UGT1A8: variants seen among roughly 807,000 people sequenced by gnomAD.
UGT1A8 encodes UDP-glucuronosyltransferase 1A8.
Under a neutral mutation model 45.3 loss-of-function variants are expected in UGT1A8, and 39 were observed. The observed-to-expected ratio is 0.86, with a 90% CI of 0.67 to 1.12. The LOEUF (loss-of-function observed/expected upper bound fraction) is 1.12. Among genes scored for constraint, UGT1A8 ranks in the 50% most tolerant of loss-of-function variants. UGT1A8 has a pLI of 0.00. For synonymous variants in UGT1A8, 275 were observed against 249.2 expected, an observed-to-expected ratio of 1.10 and a Z score of -0.97; for missense variants, 719 against 664.9, an observed-to-expected ratio of 1.08 and a Z score of -0.90.
rs559752141 is a variant in UGT1A8 at position 233,711,434 on chromosome 2, T to C, written c.856-55600T>C. Among the ~76,000 whole-genome samples, 238 of 152,294 alleles carry C rather than the reference T, an allele frequency of 1.6e-3. 2 individuals are homozygous for C. The highest frequency in any genetic ancestry group is 5.3e-3 in the African/African-American group (222 of 41,578). ...TCATCAGGAGGGTGCTTAGGATGCA[T>C]ACAGTTTTAAGGGGGTTGGAGGAAT... On this transcript the variant is annotated intron_variant, in intron 1 of 4. Coordinates refer to ENST00000373450, the MANE Select transcript of UGT1A8 (RefSeq NM_019076.5).
At chr2:233,645,977 C>T (rs552231452) in intron 1 of UGT1A8, among the ~76,000 whole-genome samples, 1 of 152,326 alleles carries the variant, frequency 6.6e-6, no homozygotes, top group East Asian at 1.9e-4. Flanking sequence ...GGGTCCTGCC[C>T]CTGCAGCAAA....
chr2:233,681,312 T>C (rs1339114161), intron 1 of UGT1A8, among the ~76,000 whole-genome samples: 2 of 151,946 alleles, frequency 1.3e-5, no homozygotes, highest in African/African-American at 2.4e-5. Flanking sequence ...GATGGGCAGA[T>C]TGCCTGAGCT....
At chr2:233,742,757 A>G (rs968540830) in intron 1 of UGT1A8, 1 of 153,060 alleles carries the variant, frequency 6.5e-6, no homozygotes, top group African/African-American at 2.4e-5. Flanking sequence ...AAATATTAAG[A>G]TAATAAATGC....
intron 1 of UGT1A8, among the ~76,000 whole-genome samples, chr2:233,630,290 G>T (rs1280019840): frequency 1.3e-5 from 2 of 152,100 alleles, no homozygotes; most frequent in African/African-American, 4.8e-5. Flanking sequence ...GTACCAGTTA[G>T]GGTGTCCCGA....
chr2:233,670,059 G>A (rs952623425), intron 1 of UGT1A8, among the ~76,000 whole-genome samples: 1 of 152,164 alleles, frequency 6.6e-6, no homozygotes, highest in Non-Finnish European at 1.5e-5. Context: ...ACCAATAACA[G>A]AAACAGTTGC....
intron 1 of UGT1A8, among the ~76,000 whole-genome samples, chr2:233,724,153 T>TG (rs1256567668): frequency 5.0e-4 from 26 of 52,120 alleles, no homozygotes; most frequent in African/African-American, 2.1e-3. Flanking sequence ...GCTGGCCGGG[T>TG]GGGGGGGCTG....
chr2:233,674,423 C>G (rs1160534286), intron 1 of UGT1A8, among the ~76,000 whole-genome samples: 1 of 152,144 alleles, frequency 6.6e-6, no homozygotes, highest in Non-Finnish European at 1.5e-5. Context: ...ATTGTAGTAA[C>G]AGGCACCACT....
In UGT1A8 at chr2:233,678,757, T is replaced by C. The variant is rs547451143; in HGVS notation, c.855+60195T>C. Among the ~76,000 whole-genome samples the C allele has an allele frequency of 1.2e-4, 12 of 102,278 alleles. 1 individual carries two copies. In the South Asian group the frequency reaches 3.8e-3, roughly 33 times the overall value. The allele number at this position is 102,278 out of a possible 152,430, so 67.1% of individuals were successfully genotyped here. A position where few individuals can be genotyped will look rare whatever the true frequency, so the allele number is the denominator to read the frequency against. On this transcript the variant is annotated intron_variant, in intron 1 of 4. Coordinates refer to ENST00000373450, the MANE Select transcript of UGT1A8 (RefSeq NM_019076.5). The stretch of plus-strand genomic sequence containing the variant: ...ACTGATTGGAAAGCACTCATCTCTA[T>C]CAGGTCATCTATTGATTCCCTGAGT...
At chr2:233,719,330 G>T in intron 1 of UGT1A8, 1 of 1,613,866 alleles carries the variant, frequency 6.2e-7, no homozygotes, top group Admixed American at 1.7e-5. Flanking sequence ...TTCCTGCTGT[G>T]TTTTTTTGGA....
Position 233,617,995 on chromosome 2 carries a change from T to C in UGT1A8, c.288T>C (p.Ala96=), listed in dbSNP as rs1195476981. ...LDREFMDFAD[A]QWKAQVRSLF... is the part of the protein sequence containing the mutation. ...GGGAATTCATGGATTTCGCCGATGC[T>C]CAATGGAAAGCACAAGTACGAAGTT... The change falls in exon 1 of 5, where the codon GCT becomes GCC. Residue 96 remains alanine (A), a synonymous_variant. Coordinates refer to ENST00000373450, the MANE Select transcript of UGT1A8 (RefSeq NM_019076.5). 1.3e-5 allele frequency: 21 copies of C among 1,614,210 alleles called. No homozygotes were observed. The highest frequency in any genetic ancestry group is 1.8e-5 in the Non-Finnish European group (21 of 1,180,046).
chr2:233,716,827 A>T (rs1249548003), intron 1 of UGT1A8, among the ~76,000 whole-genome samples: 1 of 152,150 alleles, frequency 6.6e-6, no homozygotes, highest in Admixed American at 6.5e-5. Flanking sequence ...GACCTCACTG[A>T]CACCCATGGC....
At chr2:233,634,365 G>A (rs921997077) in intron 1 of UGT1A8, among the ~76,000 whole-genome samples, 2 of 152,156 alleles carry the variant, frequency 1.3e-5, no homozygotes, top group Non-Finnish European at 2.9e-5. Flanking sequence ...GAATTTCCTT[G>A]TGAATTTTCT....
intron 1 of UGT1A8, chr2:233,648,801 C>T (rs2073668580): frequency 2.1e-6 from 2 of 938,692 alleles, no homozygotes; most frequent in Admixed American, 3.7e-5. Context: ...TAAGGAACCA[C>T]ATCTTCTACT....
chr2:233,646,290 C>T (rs1471853926), intron 1 of UGT1A8, among the ~76,000 whole-genome samples: 1 of 152,218 alleles, frequency 6.6e-6, no homozygotes, highest in African/African-American at 2.4e-5. Flanking sequence ...GGAGGGACTG[C>T]TGTGAAGACC....
chr2:233,620,855 GA>G (rs1164107411), intron 1 of UGT1A8, among the ~76,000 whole-genome samples: 2 of 152,182 alleles, frequency 1.3e-5, no homozygotes, highest in Non-Finnish European at 2.9e-5. Context: ...ATATGTCTGG[GA>G]AAAGCATGCA....
chr2:233,663,459 A>T (rs2074014017), intron 1 of UGT1A8, among the ~76,000 whole-genome samples: 1 of 152,212 alleles, frequency 6.6e-6, no homozygotes, highest in Non-Finnish European at 1.5e-5. Flanking sequence ...ACAAGAGCAG[A>T]TGAGCCAGTT....
intron 1 of UGT1A8, among the ~76,000 whole-genome samples, chr2:233,698,253 G>A (rs146882622): frequency 8.7e-4 from 132 of 152,208 alleles, no homozygotes; most frequent in African/African-American, 3.0e-3. Flanking sequence ...AATTTCTTTT[G>A]TCCAATAATC....
chr2:233,666,227 A>G (rs375139520), intron 1 of UGT1A8, among the ~76,000 whole-genome samples: 1 of 152,142 alleles, frequency 6.6e-6, no homozygotes, highest in Admixed American at 6.5e-5. Flanking sequence ...AAGTTCACTC[A>G]TTACTGGGAG....
intron 1 of UGT1A8, among the ~76,000 whole-genome samples, chr2:233,664,037 A>G (rs1362956289): frequency 1.3e-5 from 2 of 152,154 alleles, no homozygotes; most frequent in East Asian, 1.9e-4. Context: ...CAGATACCCT[A>G]GGTCATCACT....
Sources: gnomAD v4.1 joint callset for allele counts (sites outside exome capture counted in the v4.1 genomes callset) on GRCh38, gnomAD v4.1.1 for gene constraint, MANE v1.5 for transcripts, NCBI Gene and HGNC (gene_info 2026-07-23, HGNC 2026-07-21) for gene names.